The following TNFAIP8 variants were observed in gnomAD, a reference collection of about 807,000 sequenced individuals.
The protein encoded by TNFAIP8 is tumor necrosis factor alpha-induced protein 8.
A neutral mutation model predicts 13.3 loss-of-function variants in TNFAIP8; 7 were observed. That is an observed-to-expected ratio of 0.52 (90% CI 0.30 to 0.99). The LOEUF (loss-of-function observed/expected upper bound fraction) is 0.99. Ranked by LOEUF, TNFAIP8 falls within the 50% of genes least tolerant of loss-of-function variation. The pLI, the probability that TNFAIP8 is intolerant of heterozygous loss-of-function variation, is 0.07. For missense variants in TNFAIP8, 258 were observed against 236.9 expected (o/e 1.09, Z -0.58); for synonymous variants, 94 against 87.6 (o/e 1.07, Z -0.41).
At chr5:119,379,489 C>G (rs975392422) in intron 1 of TNFAIP8, among the ~76,000 whole-genome samples, 2 of 152,210 alleles carry the variant, frequency 1.3e-5, no homozygotes, top group Non-Finnish European at 1.5e-5. Flanking sequence ...AGCACTCTTT[C>G]AGGCAGGGAT....
At chr5:119,276,177 G>C (rs1365452858) in intron 1 of TNFAIP8, among the ~76,000 whole-genome samples, 2 of 151,682 alleles carry the variant, frequency 1.3e-5, no homozygotes, top group Non-Finnish European at 2.9e-5. Flanking sequence ...AAGTGCAGTG[G>C]TGCAAACTTG....
chr5:119,290,477 C>T (rs1053448936), intron 1 of TNFAIP8, among the ~76,000 whole-genome samples: 5 of 152,182 alleles, frequency 3.3e-5, no homozygotes, highest in Admixed American at 6.5e-5. Context: ...GGAGTGTCCT[C>T]ATGACATGGT....
chr5:119,357,496 GTT>G (rs1751475926), intron 1 of TNFAIP8, among the ~76,000 whole-genome samples: 1 of 152,136 alleles, frequency 6.6e-6, no homozygotes, highest in Admixed American at 6.5e-5. Context: ...TTAAGCTGGC[GTT>G]TTCTCTCAGG....
At chr5:119,303,528 G>A (rs933312748) in intron 1 of TNFAIP8, among the ~76,000 whole-genome samples, 5 of 152,174 alleles carry the variant, frequency 3.3e-5, no homozygotes, top group African/African-American at 1.2e-4. Context: ...GTTGGTGACA[G>A]GGCTTTTGCT....
At chr5:119,353,979 T>C (rs1384700644), upstream of TNFAIP8, among the ~76,000 whole-genome samples, 2 of 152,194 alleles carry the variant, frequency 1.3e-5, no homozygotes, top group African/African-American at 4.8e-5. Flanking sequence ...TCTTGTGGAC[T>C]ATCTGTGGAC....
At chr5:119,361,343 C>G (rs1562019261) in intron 1 of TNFAIP8, among the ~76,000 whole-genome samples, 1 of 152,190 alleles carries the variant, frequency 6.6e-6, no homozygotes, top group Non-Finnish European at 1.5e-5. Context: ...TCCTGAGTGA[C>G]TAACTGCTGA....
intron 1 of TNFAIP8, among the ~76,000 whole-genome samples, chr5:119,308,854 CAAAAAAA>C (rs61628819): frequency 1.7e-5 from 1 of 58,122 alleles, no homozygotes. Context: ...GACTCCATCT[CAAAAAAA>C]AAAAAAAAAA....
In TNFAIP8 at chr5:119,394,289, A is replaced by C. The variant is rs1001038013; in HGVS notation, c.*908A>C. 1 of 152,208 alleles carries C rather than the reference A, an allele frequency of 6.6e-6. No individual in the cohort carries two copies. The highest frequency in any genetic ancestry group is 2.4e-5 in the African/African-American group (1 of 41,460). 9.4% of individuals were successfully genotyped at this position (152,208 alleles called of 1,614,324 possible). A position where few individuals can be genotyped will look rare whatever the true frequency, so the allele number is the denominator to read the frequency against. ...GAAACAATTTAGGGGAATGAGGGGC[A>C]AAAGGGGAGAAATACTGCTAAAGAA... On this transcript the variant is annotated 3_prime_UTR_variant, in exon 2 of 2. Coordinates refer to ENST00000504771, the MANE Select transcript of TNFAIP8 (RefSeq NM_014350.4).
intron 1 of TNFAIP8, among the ~76,000 whole-genome samples, chr5:119,312,483 T>C (rs1375805687): frequency 6.6e-6 from 1 of 152,188 alleles, no homozygotes; most frequent in Non-Finnish European, 1.5e-5. Flanking sequence ...AAAATAGAGT[T>C]ATTTCAGTGG....
In TNFAIP8 at chr5:119,357,232, T is replaced by C. The variant is rs147559156; in HGVS notation, c.31+1111T>C. Among the ~76,000 whole-genome samples, 275 of 152,306 alleles carry C rather than the reference T, an allele frequency of 1.8e-3. 2 individuals are homozygous for C. The highest frequency in any genetic ancestry group is 3.4e-3 in the Middle Eastern group (1 of 294). ...ATAGTCAATAAAAAGGAGGTTTGTT[T>C]AATAGAAATACGGGGCTGGCATGAA... On this transcript the variant is annotated intron_variant, in intron 1 of 1. Transcript: ENST00000504771.
chr5:119,387,538 ATTCTCAGTGGGAGTAGTT>A (rs1752728023), intron 1 of TNFAIP8, among the ~76,000 whole-genome samples: 1 of 152,226 alleles, frequency 6.6e-6, no homozygotes, highest in Non-Finnish European at 1.5e-5. Flanking sequence ...TTATTAGAAA[ATTCTCAGTGGGAGTAGTT>A]ATGTTATGGG....
intron 1 of TNFAIP8, among the ~76,000 whole-genome samples, chr5:119,275,013 A>T (rs1342581736): frequency 2.1e-5 from 3 of 142,742 alleles, no homozygotes; most frequent in Non-Finnish European, 3.0e-5. Context: ...TTTTTTTTTA[A>T]TTTTTTTTTT....
chr5:119,387,175 C>G (rs569838692), intron 1 of TNFAIP8, among the ~76,000 whole-genome samples: 8 of 152,226 alleles, frequency 5.3e-5, no homozygotes, highest in African/African-American at 1.9e-4. Context: ...TCTTCGCCTG[C>G]TGACTTCTTA....
chr5:119,388,798 A>ATTT (rs1184704547), intron 1 of TNFAIP8, among the ~76,000 whole-genome samples: 82 of 140,636 alleles, frequency 5.8e-4, no homozygotes, highest in African/African-American at 2.1e-3. Context: ...ATGCCCAGCT[A>ATTT]TTTTTTTTTT....
intron 1 of TNFAIP8, chr5:119,268,997 C>T (rs1455277147): frequency 1.4e-4 from 88 of 627,466 alleles, no homozygotes; most frequent in Middle Eastern, 2.5e-4. Context: ...GGAGCGCCTC[C>T]GGCTCAGAGA....
chr5:119,287,867 T>G (rs1341618661), intron 1 of TNFAIP8, among the ~76,000 whole-genome samples: 1 of 152,224 alleles, frequency 6.6e-6, no homozygotes, highest in African/African-American at 2.4e-5. Context: ...ATGCAGGGAT[T>G]AAACTTGAAA....
chr5:119,366,148 GA>G (rs111331324), intron 1 of TNFAIP8, among the ~76,000 whole-genome samples: 1,379 of 136,320 alleles, frequency 0.01, 19 homozygotes, highest in Middle Eastern at 0.03. Context: ...ACTCTAAAAT[GA>G]AAAAAAAAAA....
intron 1 of TNFAIP8, among the ~76,000 whole-genome samples, chr5:119,335,770 G>T (rs934881219): frequency 1.3e-5 from 2 of 151,916 alleles, no homozygotes; most frequent in East Asian, 3.9e-4. Context: ...CTAGGTGTGG[G>T]CAATAAACAT....
chr5:119,344,721 A>C (rs1750844731), intron 1 of TNFAIP8, among the ~76,000 whole-genome samples: 1 of 152,246 alleles, frequency 6.6e-6, no homozygotes, highest in Non-Finnish European at 1.5e-5. Context: ...TGGAGAGAAA[A>C]AAAGGCCAAT....
Sources: gnomAD v4.1 joint callset for allele counts (sites outside exome capture counted in the v4.1 genomes callset) on GRCh38, gnomAD v4.1.1 for gene constraint, MANE v1.5 for transcripts, NCBI Gene and HGNC (gene_info 2026-07-23, HGNC 2026-07-21) for gene names.